CDH2: variants seen among roughly 807,000 people sequenced by gnomAD.
CDH2 encodes cadherin 2.
CDH2 carries 17 observed loss-of-function variants against 92.0 expected under a neutral mutation model. That is an observed-to-expected ratio of 0.18 (90% CI 0.13 to 0.28). CDH2 has a LOEUF of 0.28. CDH2 is among the 10% of genes least tolerant of loss of function. The pLI is 1.00. For synonymous variants in CDH2, 419 were observed against 415.9 expected, an observed-to-expected ratio of 1.01 and a Z score of -0.09; for missense variants, 862 against 1,133.1, an observed-to-expected ratio of 0.76 and a Z score of 3.44.
At chr18:28,095,310 A>G (rs111528387) in intron 2 of CDH2, among the ~76,000 whole-genome samples, 3 of 152,308 alleles carry the variant, frequency 2.0e-5, no homozygotes, top group African/African-American at 7.2e-5. Context: ...GTCGGGTGCA[A>G]TGGCTCATGC....
rs940695266 is a variant in CDH2 at position 28,049,027 on chromosome 18, C to G, written c.173-35118G>C. Among the ~76,000 whole-genome samples the G allele has an allele frequency of 2.0e-5, 3 of 152,268 alleles. No individual in the cohort carries two copies. In the South Asian group the frequency reaches 6.2e-4, roughly 32 times the overall value. ...ACTCCTCTTTAGGCTCTATTTCATT[C>G]CGTGAACCTAACTGATACTCCCAGT... On this transcript the variant is annotated intron_variant, in intron 2 of 15. Coordinates refer to ENST00000269141, the MANE Select transcript of CDH2 (RefSeq NM_001792.5).
rs17493472 is a variant in CDH2 at position 27,991,224 on chromosome 18, T to C, written c.1345-874A>G. On this transcript the variant is annotated intron_variant, in intron 9 of 15. Transcript: ENST00000269141. ...GCAAATAAGCATTACTGTGCAGTAA[T>C]AACAGGAAAAACAAGAGCATTAAGA... Among the ~76,000 whole-genome samples, 664 of 152,202 alleles carry C rather than the reference T, an allele frequency of 4.4e-3. 14 individuals carry two copies. Among genetic ancestry groups the C allele is most frequent in the African/African-American group, 0.015 (631 of 41,528 alleles).
At chr18:28,142,581 C>T (rs773363334) in intron 2 of CDH2, among the ~76,000 whole-genome samples, 1 of 151,098 alleles carries the variant, frequency 6.6e-6, no homozygotes, top group Non-Finnish European at 1.5e-5. Flanking sequence ...ACAAAAAATA[C>T]CCCAAGGTTT....
intron 7 of CDH2, among the ~76,000 whole-genome samples, chr18:27,998,094 C>T (rs1471964583): frequency 6.6e-6 from 1 of 152,204 alleles, no homozygotes; most frequent in East Asian, 1.9e-4. Context: ...GTGTGAGCCA[C>T]CACTCCTGGC....
chr18:28,079,511 G>C (rs2014786459), intron 2 of CDH2, among the ~76,000 whole-genome samples: 4 of 152,114 alleles, frequency 2.6e-5, no homozygotes, highest in Non-Finnish European at 5.9e-5. Context: ...CTTTTTAAGA[G>C]ATCACAGTTT....
At chr18:28,106,155 A>G (rs1304972222) in intron 2 of CDH2, among the ~76,000 whole-genome samples, 1 of 152,184 alleles carries the variant, frequency 6.6e-6, no homozygotes, top group East Asian at 1.9e-4. Flanking sequence ...AGTGGCTTAC[A>G]CCTATAATCC....
At chr18:27,994,896 T>C (rs2012531811) in intron 7 of CDH2, among the ~76,000 whole-genome samples, 1 of 152,156 alleles carries the variant, frequency 6.6e-6, no homozygotes, top group African/African-American at 2.4e-5. Context: ...TCAGTTATTT[T>C]TTGTCTTCCA....
At chr18:28,017,521 C>T (rs756834427) in intron 2 of CDH2, among the ~76,000 whole-genome samples, 3 of 152,024 alleles carry the variant, frequency 2.0e-5, no homozygotes, top group Admixed American at 6.6e-5. Context: ...TGGTTAATCT[C>T]GTTAACGGTC....
At chr18:28,148,609 T>C (rs781597513) in intron 1 of CDH2, among the ~76,000 whole-genome samples, 1 of 152,158 alleles carries the variant, frequency 6.6e-6, no homozygotes, top group Non-Finnish European at 1.5e-5. Context: ...TAGGAAACTC[T>C]ACCATGTACT....
chr18:27,982,056 T>G (rs962382878), intron 14 of CDH2, among the ~76,000 whole-genome samples: 5 of 152,204 alleles, frequency 3.3e-5, no homozygotes, highest in South Asian at 2.1e-4. Flanking sequence ...CCTAAGTGCA[T>G]GATTTTGTAG....
intron 5 of CDH2, 44 bp downstream of exon 5, chr18:28,009,673 T>C (rs995319336): frequency 1.3e-6 from 2 of 1,589,184 alleles, no homozygotes; most frequent in Admixed American, 1.7e-5. Flanking sequence ...TGCAGACATT[T>C]AGAACTGTTA....
Position 27,990,145 on chromosome 18 carries a change from G to A in CDH2, c.1550C>T (p.Thr517Ile), listed in dbSNP as rs1405234964. 2 of 1,613,838 alleles carry A rather than the reference G, an allele frequency of 1.2e-6. No individual in the cohort carries two copies. The highest frequency in any genetic ancestry group is 8.5e-7 in the Non-Finnish European group (1 of 1,179,870). ...EEGLHAGTML[T>I]TFTAQDPDRY... ...ATCTGGGTCCTGAGCAGTGAATGTT[G>A]TCAACATGGTACCGGCATGAAGCCC... The change falls in exon 10 of 16, where the codon ACA becomes ATA. Residue 517 changes from threonine to isoleucine, a missense_variant. Physicochemically the swap from Thr to Ile is moderately conservative, Grantham distance 89 (BLOSUM62 -1). Around this residue, in one of 5 missense-constraint regions of CDH2, gnomAD observed 564 missense variants for 722.2 expected, o/e 0.78. Transcript: ENST00000269141.
At chr18:28,036,654 T>C in intron 2 of CDH2, 2 of 775,066 alleles carry the variant, frequency 2.6e-6, no homozygotes, top group South Asian at 1.6e-5. Context: ...CTGACGGAAA[T>C]GCCGATGCAG....
chr18:28,088,176 A>G (rs1192112845), intron 2 of CDH2, among the ~76,000 whole-genome samples: 1 of 152,246 alleles, frequency 6.6e-6, no homozygotes, highest in Admixed American at 6.5e-5. Flanking sequence ...AAAACAGGGT[A>G]AAGAAAAAGG....
At chr18:27,944,164 A>G (rs1322236325) in intron 6 of CDH2, among the ~76,000 whole-genome samples, 2 of 152,210 alleles carry the variant, frequency 1.3e-5, no homozygotes, top group East Asian at 1.9e-4. Context: ...ATAAAAAACT[A>G]TTAGAAAAAA....
intron 2 of CDH2, among the ~76,000 whole-genome samples, chr18:28,044,850 C>CGTGTGT (rs68093312): frequency 0.028 from 4,163 of 148,468 alleles, 137 homozygotes; most frequent in Admixed American, 0.09. Flanking sequence ...TATATAACAT[C>CGTGTGT]GTGTGTGTGT....
chr18:27,999,240 T>G (rs1259074444), intron 7 of CDH2, among the ~76,000 whole-genome samples: 1 of 152,090 alleles, frequency 6.6e-6, no homozygotes, highest in Non-Finnish European at 1.5e-5. Context: ...GAAAGGCAAG[T>G]AATTCTGGGG....
At chr18:28,040,645 T>G (rs1438847950) in intron 2 of CDH2, among the ~76,000 whole-genome samples, 2 of 152,172 alleles carry the variant, frequency 1.3e-5, no homozygotes, top group African/African-American at 4.8e-5. Context: ...AAGTAGATGC[T>G]GAAAAAACAC....
At chr18:28,176,249 A>C (rs1165972816) in intron 1 of CDH2, among the ~76,000 whole-genome samples, 6 of 152,194 alleles carry the variant, frequency 3.9e-5, no homozygotes, top group Non-Finnish European at 8.8e-5. Flanking sequence ...GCAGCCGCGT[A>C]ACGGAACTTC....
Sources: gnomAD v4.1 joint callset for allele counts (sites outside exome capture counted in the v4.1 genomes callset) on GRCh38, gnomAD v4.1.1 for gene constraint, gnomAD v4.1.1 regional missense constraint, MANE v1.5 for transcripts, NCBI Gene and HGNC (gene_info 2026-07-23, HGNC 2026-07-21) for gene names.